Variants in SAE1 observed in about 807,000 individuals in gnomAD.
SAE1 encodes the protein SUMO1 activating enzyme subunit 1.
SAE1 carries 11 observed loss-of-function variants against 40.6 expected under a neutral mutation model. That is an observed-to-expected ratio of 0.27 (90% CI 0.17 to 0.45). The LOEUF is 0.45. SAE1 is among the 20% of genes least tolerant of loss of function. The pLI, the probability that SAE1 is intolerant of heterozygous loss-of-function variation, is 1.00. For synonymous variants in SAE1, 155 were observed against 154.3 expected (o/e 1.00, Z -0.03); for missense variants, 373 against 427.3 (o/e 0.87, Z 1.12).
chr19:47,156,607 G>A (rs1476532358), intron 5 of SAE1, among the ~76,000 whole-genome samples: 1 of 150,418 alleles, frequency 6.6e-6, no homozygotes, highest in Admixed American at 6.7e-5. Context: ...CAACCTCCAC[G>A]TCCCAGGTTC....
chr19:47,188,370 T>G (rs984792092), intron 6 of SAE1, among the ~76,000 whole-genome samples: 13 of 149,868 alleles, frequency 8.7e-5, no homozygotes, highest in Non-Finnish European at 1.8e-4. Context: ...AAGAAAAAAA[T>G]AATCACAAAC....
At chr19:47,162,905 T>C (rs1287059414) in intron 5 of SAE1, among the ~76,000 whole-genome samples, 1 of 152,058 alleles carries the variant, frequency 6.6e-6, no homozygotes, top group Non-Finnish European at 1.5e-5. Context: ...GGCGGGAGGA[T>C]TGCCTGAGCC....
intron 6 of SAE1, among the ~76,000 whole-genome samples, chr19:47,172,649 G>A (rs907080328): frequency 2.6e-4 from 40 of 151,566 alleles, no homozygotes; most frequent in Non-Finnish European, 5.1e-4. Flanking sequence ...TGCAGAATCC[G>A]AGATCATGCC....
At position 47,187,649 on chromosome 19, in the gene SAE1, G is replaced by A. The variant is rs545102972; in HGVS notation, c.734-9584G>A. Among the ~76,000 whole-genome samples the A allele has an allele frequency of 2.6e-5, 4 of 152,228 alleles. No homozygotes were observed. The South Asian group carries it at 8.3e-4, about 32-fold the overall frequency. ...CAATTCTCGTACCTCAGCCTCCCAA[G>A]TAGCTGGGACTACAGGTGCCTGCCA... On this transcript the variant is annotated intron_variant, in intron 6 of 8. Coordinates refer to ENST00000270225, the MANE Select transcript of SAE1 (RefSeq NM_005500.3).
chr19:47,164,977 G>T (rs187911220), intron 5 of SAE1, among the ~76,000 whole-genome samples: 50 of 151,900 alleles, frequency 3.3e-4, no homozygotes, highest in African/African-American at 1.1e-3. Context: ...AGTAGAGACG[G>T]AGTTTCACCA....
intron 6 of SAE1, among the ~76,000 whole-genome samples, chr19:47,190,462 G>A (rs936010522): frequency 2.6e-5 from 4 of 152,136 alleles, no homozygotes; most frequent in Non-Finnish European, 5.9e-5. Context: ...CAAGAACATG[G>A]CTTTCTTCCT....
intron 2 of SAE1, among the ~76,000 whole-genome samples, chr19:47,147,213 T>G (rs926086115): frequency 2.2e-5 from 3 of 139,518 alleles, no homozygotes; most frequent in African/African-American, 8.1e-5. Context: ...TTTTTTTTTT[T>G]TTTTTTTTTT....
chr19:47,192,589 C>G (rs1188071053), intron 6 of SAE1, among the ~76,000 whole-genome samples: 3 of 152,024 alleles, frequency 2.0e-5, no homozygotes, highest in African/African-American at 7.2e-5. Flanking sequence ...GTAGCCCAGA[C>G]TGGAGTGCAG....
intron 1 of SAE1, among the ~76,000 whole-genome samples, chr19:47,132,426 T>G (rs1467151980): frequency 5.4e-5 from 8 of 146,938 alleles, no homozygotes; most frequent in Non-Finnish European, 1.2e-4. Flanking sequence ...TAATTTTTGT[T>G]TTTTTTTTTT....
intron 5 of SAE1, among the ~76,000 whole-genome samples, chr19:47,168,614 G>A (rs1055252892): frequency 7.9e-5 from 12 of 151,922 alleles, no homozygotes; most frequent in African/African-American, 2.9e-4. Flanking sequence ...TGTTGTTGTT[G>A]TTTTTGAGAC....
chr19:47,203,758 A>G lies in SAE1; in HGVS notation c.948+18A>G. On this transcript the variant is annotated intron_variant, in intron 8 of 8. Transcript: ENST00000270225. Reference sequence around the variant, plus strand: ...TTGTGAAGGTAAAACATCACTGTGGAGCAGAAAATTGTTAACCATGACTTT... The same window carrying G: ...TTGTGAAGGTAAAACATCACTGTGGGGCAGAAAATTGTTAACCATGACTTT... 1 of 1,608,514 alleles carries G rather than the reference A, an allele frequency of 6.2e-7. No individual in the cohort carries two copies. The highest frequency in any genetic ancestry group is 1.1e-5 in the South Asian group (1 of 90,980).
rs1166301382 is a variant in SAE1, at chr19:47,164,639, C to CTTTTTTTTTTTTT, written c.628-5164_628-5152dup. ...TTGATGGGCTATGTGGAGAATTCAC[C>CTTTTTTTTTTTTT]TTTTTTTTTTTTTTTTTTTTTTTTT... On this transcript the variant is annotated intron_variant, in intron 5 of 8. Transcript: ENST00000270225. Among the ~76,000 whole-genome samples, 14 of 78,394 alleles carry CTTTTTTTTTTTTT rather than the reference C, an allele frequency of 1.8e-4. 1 individual carries two copies. The highest frequency in any genetic ancestry group is 6.5e-4 in the African/African-American group (12 of 18,392). 51.4% of individuals were successfully genotyped at this position (78,394 alleles called of 152,430 possible).
chr19:47,205,331 T>C (rs1195959992), intron 8 of SAE1, among the ~76,000 whole-genome samples: 1 of 151,896 alleles, frequency 6.6e-6, no homozygotes, highest in East Asian at 1.9e-4. Flanking sequence ...TTTTTTTTTT[T>C]TTTTTTGTCT....
chr19:47,150,186 T>A lies in SAE1; in HGVS notation c.211-16T>A. 2 of 1,494,152 alleles carry A rather than the reference T, an allele frequency of 1.3e-6. No individual in the cohort carries two copies. Among genetic ancestry groups the A allele is most frequent in the Non-Finnish European group, 1.8e-6 (2 of 1,115,748 alleles). The allele number at this position is 1,494,152 out of a possible 1,614,324, so 92.6% of individuals were successfully genotyped here. A position where few individuals can be genotyped will look rare whatever the true frequency, so the allele number is the denominator to read the frequency against. On this transcript the variant is annotated splice_polypyrimidine_tract_variant and intron_variant, in intron 2 of 8. Transcript: ENST00000270225. ...TAAAAATACAAGACTTAAAAAAATATGTGTATTATTCCTAGGTAACTCCAG... is the reference window on the plus strand; with the variant it reads ...TAAAAATACAAGACTTAAAAAAATAAGTGTATTATTCCTAGGTAACTCCAG...
At position 47,150,380 on chromosome 19, in the gene SAE1, G is replaced by A. The variant is rs766761185; in HGVS notation, c.384+5G>A. The A allele has an allele frequency of 6.3e-7, 1 of 1,591,610 alleles. No homozygotes were observed. The highest frequency in any genetic ancestry group is 1.1e-5 in the South Asian group (1 of 87,952). On this transcript the variant is annotated splice_donor_5th_base_variant and intron_variant, in intron 3 of 8. Transcript: ENST00000270225. ...TTTTTCACTCAATTCGATGCTGTAA[G>A]TTTCTTATTATAAAATCTGCTGTGG... is the stretch of plus-strand genomic sequence containing the variant.
At chr19:47,144,642 C>T (rs2547408) in intron 2 of SAE1, among the ~76,000 whole-genome samples, 44,967 of 150,532 alleles carry the variant, frequency 0.3, 8,558 homozygotes, top group African/African-American at 0.53. Context: ...GAGCTTGCAA[C>T]GAGCCGAGAT....
chr19:47,170,721 G>A (rs1308999902), intron 6 of SAE1, among the ~76,000 whole-genome samples: 1 of 151,996 alleles, frequency 6.6e-6, no homozygotes, highest in Non-Finnish European at 1.5e-5. Context: ...TAGCCAGGCT[G>A]GACTTGAACT....
intron 7 of SAE1, among the ~76,000 whole-genome samples, chr19:47,201,241 G>T (rs1436220745): frequency 6.7e-6 from 1 of 150,272 alleles, no homozygotes; most frequent in African/African-American, 2.5e-5. Flanking sequence ...TAGAGATGGG[G>T]TTTCACCATA....
At chr19:47,158,032 G>C (rs550624414) in intron 5 of SAE1, among the ~76,000 whole-genome samples, 1 of 148,584 alleles carries the variant, frequency 6.7e-6, no homozygotes, top group East Asian at 2.0e-4. Context: ...TTCAGATGCT[G>C]CCCTTTTGCC....
Sources: gnomAD v4.1 joint callset for allele counts (sites outside exome capture counted in the v4.1 genomes callset) on GRCh38, gnomAD v4.1.1 for gene constraint, MANE v1.5 for transcripts, NCBI Gene and HGNC (gene_info 2026-07-23, HGNC 2026-07-21) for gene names.